Variants in RABGAP1L observed in about 807,000 individuals in gnomAD.
RABGAP1L encodes RAB GTPase activating protein 1 like.
RABGAP1L carries 63 observed loss-of-function variants against 137.7 expected under a neutral mutation model. That is an observed-to-expected ratio of 0.46 (90% CI 0.37 to 0.56). The LOEUF is 0.56. Ranked by LOEUF, RABGAP1L falls within the 20% of genes least tolerant of loss-of-function variation. RABGAP1L has a pLI of 0.00. For synonymous variants in RABGAP1L, 431 were observed against 433.7 expected (o/e 0.99, Z 0.08); for missense variants, 1,095 against 1,244.0 (o/e 0.88, Z 1.80).
chr1:174,521,347 A>G (rs539354573), intron 13 of RABGAP1L, among the ~76,000 whole-genome samples: 1 of 152,300 alleles, frequency 6.6e-6, no homozygotes, highest in African/African-American at 2.4e-5. Flanking sequence ...TTGATTGGAA[A>G]TTTTCATTTT....
At chr1:174,357,183 T>C (rs1031341949) in intron 11 of RABGAP1L, among the ~76,000 whole-genome samples, 2 of 152,312 alleles carry the variant, frequency 1.3e-5, no homozygotes, top group Non-Finnish European at 2.9e-5. Context: ...TTAAAATTTA[T>C]AGAGGAAGTT....
chr1:174,412,756 A>AT (rs1039351624), intron 13 of RABGAP1L, among the ~76,000 whole-genome samples: 10 of 151,854 alleles, frequency 6.6e-5, no homozygotes, highest in African/African-American at 9.7e-5. Flanking sequence ...CTTAGTTGGA[A>AT]TTTTTTTTCT....
chr1:174,694,195 A>C (rs1031414360), intron 15 of RABGAP1L, among the ~76,000 whole-genome samples: 61 of 151,030 alleles, frequency 4.0e-4, no homozygotes, highest in African/African-American at 1.0e-3. Flanking sequence ...TTCTTTTTTT[A>C]TTTTTTATTT....
intron 13 of RABGAP1L, among the ~76,000 whole-genome samples, chr1:174,562,276 G>C (rs1667275015): frequency 6.6e-6 from 1 of 152,214 alleles, no homozygotes; most frequent in Admixed American, 6.5e-5. Context: ...CTGGTCATTA[G>C]AGAAATGCAA....
intron 13 of RABGAP1L, among the ~76,000 whole-genome samples, chr1:174,530,839 G>A (rs6425284): frequency 0.25 from 17,032 of 69,366 alleles, 1,068 homozygotes; most frequent in African/African-American, 0.49. Flanking sequence ...ACATACATAC[G>A]TACGTTTGTG....
intron 1 of RABGAP1L, among the ~76,000 whole-genome samples, chr1:174,206,857 T>A (rs150011271): frequency 6.6e-6 from 1 of 152,220 alleles, no homozygotes; most frequent in Non-Finnish European, 1.5e-5. Flanking sequence ...AATTTAGATA[T>A]CATTATTGCT....
At chr1:174,308,832 C>T (rs1390939489) in intron 11 of RABGAP1L, among the ~76,000 whole-genome samples, 1 of 151,904 alleles carries the variant, frequency 6.6e-6, no homozygotes, top group Non-Finnish European at 1.5e-5. Flanking sequence ...GATCTTTTTG[C>T]TCAAGATTGC....
intron 17 of RABGAP1L, among the ~76,000 whole-genome samples, chr1:174,742,576 G>A (rs1451765711): frequency 6.6e-6 from 1 of 152,166 alleles, no homozygotes; most frequent in Non-Finnish European, 1.5e-5. Flanking sequence ...AAGATTTCTG[G>A]ATGGATTGGG....
At position 174,959,143 on chromosome 1, in the gene RABGAP1L, A is replaced by G. The variant is rs180773397; in HGVS notation, c.2433+1594A>G. Among the ~76,000 whole-genome samples, 5 of 152,380 alleles carry G rather than the reference A, an allele frequency of 3.3e-5. No individual in the cohort carries two copies. The East Asian group carries it at 5.8e-4, about 18-fold the overall frequency. On this transcript the variant is annotated intron_variant, in intron 20 of 25. Coordinates refer to ENST00000681986, the MANE Select transcript of RABGAP1L (RefSeq NM_001366446.1). ...TGATTATAAAATCCCACATACTTCT[A>G]TAGCAGATAACTATTAACAGATAAT...
At chr1:174,881,516 T>TTTTA (rs1242077680) in intron 19 of RABGAP1L, among the ~76,000 whole-genome samples, 2 of 145,180 alleles carry the variant, frequency 1.4e-5, no homozygotes, top group Non-Finnish European at 3.0e-5. Context: ...TTTTTTTTTT[T>TTTTA]AAATATGGAG....
At chr1:174,737,994 C>T (rs950312673) in intron 17 of RABGAP1L, among the ~76,000 whole-genome samples, 1 of 152,160 alleles carries the variant, frequency 6.6e-6, no homozygotes, top group African/African-American at 2.4e-5. Context: ...CAGACACCTC[C>T]CACCAGGTCC....
chr1:174,703,026 A>G (rs1300021590), intron 17 of RABGAP1L, among the ~76,000 whole-genome samples: 2 of 152,170 alleles, frequency 1.3e-5, no homozygotes, highest in Non-Finnish European at 2.9e-5. Context: ...AGGACTAATC[A>G]AAAGTATAAG....
intron 11 of RABGAP1L, among the ~76,000 whole-genome samples, chr1:174,322,329 G>T (rs1202099798): frequency 1.3e-5 from 2 of 152,056 alleles, no homozygotes; most frequent in Non-Finnish European, 2.9e-5. Flanking sequence ...TGCAGGTTAG[G>T]AATTAAGGAG....
intron 19 of RABGAP1L, among the ~76,000 whole-genome samples, chr1:174,830,965 G>A (rs1251871300): frequency 6.8e-6 from 1 of 147,748 alleles, no homozygotes; most frequent in Admixed American, 6.8e-5. Flanking sequence ...ACATCAGAAA[G>A]GTGGGTTTCC....
chr1:174,955,561 C>T (rs975100779), intron 19 of RABGAP1L, among the ~76,000 whole-genome samples: 4 of 152,166 alleles, frequency 2.6e-5, no homozygotes, highest in Admixed American at 1.3e-4. Flanking sequence ...TTTCCATTCT[C>T]TTTTGCTCTC....
intron 11 of RABGAP1L, among the ~76,000 whole-genome samples, chr1:174,323,130 T>C (rs983196689): frequency 1.3e-5 from 2 of 152,176 alleles, no homozygotes; most frequent in Non-Finnish European, 2.9e-5. Flanking sequence ...TTCACGTCTG[T>C]CCTACTATGT....
At chr1:174,785,852 G>C (rs997744363) in intron 18 of RABGAP1L, among the ~76,000 whole-genome samples, 1 of 152,110 alleles carries the variant, frequency 6.6e-6, no homozygotes, top group African/African-American at 2.4e-5. Flanking sequence ...TTTAGTTCTT[G>C]AATTTTGGCT....
At chr1:174,891,395 TATA>T (rs1427958213) in intron 19 of RABGAP1L, among the ~76,000 whole-genome samples, 1 of 152,202 alleles carries the variant, frequency 6.6e-6, no homozygotes, top group African/African-American at 2.4e-5. Flanking sequence ...AGGGAAATGA[TATA>T]ATAAGGTTGA....
rs948540558 is a variant in RABGAP1L at position 174,859,813 on chromosome 1, C to T, written c.2340+47853C>T. 4.0e-5 allele frequency among the ~76,000 whole-genome samples: 6 copies of T among 151,696 alleles called. No individual in the cohort carries two copies. The South Asian group carries it at 1.2e-3, about 31-fold the overall frequency. On this transcript the variant is annotated intron_variant, in intron 19 of 25. Coordinates refer to ENST00000681986, the MANE Select transcript of RABGAP1L (RefSeq NM_001366446.1). ...GCACACGTTTGCCTGTGTAACAAACCTGCACATCCTACACATGTACCCCTG... is the reference window on the plus strand; with the variant it reads ...GCACACGTTTGCCTGTGTAACAAACTTGCACATCCTACACATGTACCCCTG...
Sources: gnomAD v4.1 joint callset for allele counts (sites outside exome capture counted in the v4.1 genomes callset) on GRCh38, gnomAD v4.1.1 for gene constraint, MANE v1.5 for transcripts, NCBI Gene and HGNC (gene_info 2026-07-23, HGNC 2026-07-21) for gene names.